Variants in DPYD observed in about 807,000 individuals in gnomAD.
DPYD encodes dihydropyrimidine dehydrogenase.
In DPYD, 109 loss-of-function variants were observed where a neutral mutation model predicts 116.2. That is an observed-to-expected ratio of 0.94 (90% CI 0.80 to 1.10). The LOEUF (loss-of-function observed/expected upper bound fraction) is 1.10. Among genes scored for constraint, DPYD ranks in the 50% least tolerant of loss-of-function variants. The pLI, the probability that DPYD is intolerant of heterozygous loss-of-function variation, is 0.00. For missense variants in DPYD, 1,302 were observed against 1,254.5 expected (o/e 1.04, Z -0.57); for synonymous variants, 440 against 432.0 (o/e 1.02, Z -0.23).
At chr1:97,584,916 T>A (rs1653980784) in intron 10 of DPYD, among the ~76,000 whole-genome samples, 2 of 146,572 alleles carry the variant, frequency 1.4e-5, no homozygotes, top group African/African-American at 5.0e-5. Context: ...AACCTGCACG[T>A]TGTGCACATG....
At chr1:97,120,608 T>C (rs1309411045) in intron 20 of DPYD, among the ~76,000 whole-genome samples, 1 of 152,172 alleles carries the variant, frequency 6.6e-6, no homozygotes, top group Non-Finnish European at 1.5e-5. Flanking sequence ...TGCCACGACT[T>C]TACCTTGTCA....
chr1:97,648,545 TA>T (rs202124412), intron 8 of DPYD, among the ~76,000 whole-genome samples: 7 of 151,010 alleles, frequency 4.6e-5, no homozygotes, highest in East Asian at 1.9e-4. Flanking sequence ...AACACTTTAT[TA>T]AAAAAAAAGA....
chr1:97,372,955 C>T (rs906758402), intron 16 of DPYD, among the ~76,000 whole-genome samples: 9 of 152,110 alleles, frequency 5.9e-5, no homozygotes, highest in African/African-American at 2.2e-4. Flanking sequence ...CCTTAACATC[C>T]AACATTTAAC....
At chr1:97,339,656 C>T (rs1669496299) in intron 16 of DPYD, among the ~76,000 whole-genome samples, 1 of 152,128 alleles carries the variant, frequency 6.6e-6, no homozygotes. Flanking sequence ...CATAAAATTT[C>T]TACCAGAAGC....
chr1:97,679,003 C>T (rs909268951), intron 8 of DPYD, 92 bp downstream of exon 8: 25 of 568,860 alleles, frequency 4.4e-5, no homozygotes, highest in African/African-American at 1.9e-4. Context: ...ACTTTCATCA[C>T]GAAAATGTCT....
intron 11 of DPYD, among the ~76,000 whole-genome samples, chr1:97,557,553 TG>T (rs1450159228): frequency 6.6e-6 from 1 of 152,022 alleles, no homozygotes; most frequent in Non-Finnish European, 1.5e-5. Context: ...TGACCTCAAG[TG>T]ATTTACCAGC....
intron 8 of DPYD, among the ~76,000 whole-genome samples, chr1:97,613,644 T>C (rs923159924): frequency 1.2e-4 from 18 of 152,030 alleles, no homozygotes; most frequent in South Asian, 2.1e-4. Flanking sequence ...AAATTATAAA[T>C]GGAAAGAGCT....
intron 11 of DPYD, among the ~76,000 whole-genome samples, chr1:97,553,944 G>A (rs1300277400): frequency 1.3e-5 from 2 of 151,788 alleles, no homozygotes; most frequent in Non-Finnish European, 2.9e-5. Flanking sequence ...AAACATTCAA[G>A]ATTTATGTTA....
chr1:97,631,559 C>CA (rs1657261500), intron 8 of DPYD, among the ~76,000 whole-genome samples: 1 of 151,552 alleles, frequency 6.6e-6, no homozygotes, highest in Non-Finnish European at 1.5e-5. Context: ...ATGTATAAAG[C>CA]AAAAAAGAGA....
intron 3 of DPYD, among the ~76,000 whole-genome samples, chr1:97,801,573 C>G (rs1667846318): frequency 1.3e-5 from 2 of 151,904 alleles, no homozygotes; most frequent in South Asian, 4.2e-4. Context: ...AGTGTTAATG[C>G]TATAAGTTGA....
At chr1:97,801,511 T>C (rs889691151) in intron 3 of DPYD, among the ~76,000 whole-genome samples, 7 of 151,882 alleles carry the variant, frequency 4.6e-5, no homozygotes, top group African/African-American at 1.7e-4. Flanking sequence ...ATATAGTATA[T>C]TAGATAGTTG....
intron 18 of DPYD, among the ~76,000 whole-genome samples, chr1:97,292,722 GCACA>G (rs71765073): frequency 0.097 from 14,463 of 149,838 alleles, 750 homozygotes; most frequent in Middle Eastern, 0.22. Flanking sequence ...ACACGCGCGA[GCACA>G]CACACACACA....
At chr1:97,918,037 T>C (rs892007738) in intron 1 of DPYD, among the ~76,000 whole-genome samples, 1 of 152,162 alleles carries the variant, frequency 6.6e-6, no homozygotes, top group Non-Finnish European at 1.5e-5. Flanking sequence ...CAGGAGAGTT[T>C]GTATTAAAGT....
chr1:97,201,383 G>A (rs1032555955), intron 19 of DPYD, among the ~76,000 whole-genome samples: 1 of 152,084 alleles, frequency 6.6e-6, no homozygotes, highest in Non-Finnish European at 1.5e-5. Flanking sequence ...ACGGAATTGA[G>A]TTCTGACCAG....
chr1:97,426,909 T>C (rs531367403), intron 14 of DPYD, among the ~76,000 whole-genome samples: 1 of 152,258 alleles, frequency 6.6e-6, no homozygotes, highest in South Asian at 2.1e-4. Context: ...ATGATTTTTA[T>C]AATGTCTTTA....
chr1:97,205,948 C>T (rs1004019834), intron 19 of DPYD, among the ~76,000 whole-genome samples: 4 of 152,036 alleles, frequency 2.6e-5, no homozygotes, highest in East Asian at 1.9e-4. Flanking sequence ...GCATCTCCAG[C>T]GCTTAATGGG....
intron 5 of DPYD, among the ~76,000 whole-genome samples, chr1:97,716,136 A>G (rs934922731): frequency 1.3e-5 from 2 of 152,094 alleles, no homozygotes; most frequent in African/African-American, 4.8e-5. Flanking sequence ...ATGTAGTCTC[A>G]TAACACTTGA....
At chr1:97,521,309 C>T (rs954168922) in intron 12 of DPYD, among the ~76,000 whole-genome samples, 1 of 152,130 alleles carries the variant, frequency 6.6e-6, no homozygotes, top group Non-Finnish European at 1.5e-5. Context: ...AACTCCTATT[C>T]ACAATTGCTA....
chr1:97,474,126 A>G (rs1182765248), intron 13 of DPYD, among the ~76,000 whole-genome samples: 2 of 152,140 alleles, frequency 1.3e-5, no homozygotes, highest in African/African-American at 4.8e-5. Flanking sequence ...TTCTGGGTGT[A>G]TATCAAAAGA....
Sources: gnomAD v4.1 joint callset for allele counts (sites outside exome capture counted in the v4.1 genomes callset) on GRCh38, gnomAD v4.1.1 for gene constraint, MANE v1.5 for transcripts, NCBI Gene and HGNC (gene_info 2026-07-23, HGNC 2026-07-21) for gene names.